Variants in TRERF1 observed in about 807,000 individuals in gnomAD.
TRERF1 encodes transcriptional regulating factor 1, also known as transcriptional-regulating factor 1.
A neutral mutation model predicts 122.9 loss-of-function variants in TRERF1; 27 were observed. The ratio of observed to expected loss-of-function variants is 0.22; its 90% confidence interval spans 0.16 to 0.30. The LOEUF (loss-of-function observed/expected upper bound fraction) is 0.30, where lower values mean the gene tolerates loss of function less well. TRERF1 is among the 10% of genes least tolerant of loss of function. TRERF1 has a pLI of 1.00. For synonymous variants in TRERF1, 636 were observed against 641.7 expected (o/e 0.99, Z 0.13); for missense variants, 1,248 against 1,560.3 (o/e 0.80, Z 3.37).
At position 42,349,351 on chromosome 6, in the gene TRERF1, G is replaced by A. The variant is rs183317117; in HGVS notation, c.-371+13646C>T. Among the ~76,000 whole-genome samples the A allele has an allele frequency of 8.6e-5, 13 of 151,970 alleles. No individual in the cohort carries two copies. In the East Asian group the frequency reaches 1.9e-3, roughly 23 times the overall value. On this transcript the variant is annotated intron_variant, in intron 3 of 17. Transcript: ENST00000372922. ...CCTGGGTAAAGCCTCACCTGAGGCC[G>A]GAATCTACCCCTAGATTGTTCAACC...
At chr6:42,291,883 T>G (rs537912404) in intron 4 of TRERF1, among the ~76,000 whole-genome samples, 101 of 152,214 alleles carry the variant, frequency 6.6e-4, no homozygotes, top group African/African-American at 2.4e-3. Context: ...AATATCTCAT[T>G]GGAGAGAAAC....
At chr6:42,296,506 TG>T (rs1468622155) in intron 4 of TRERF1, among the ~76,000 whole-genome samples, 3 of 152,174 alleles carry the variant, frequency 2.0e-5, no homozygotes, top group Non-Finnish European at 2.9e-5. Context: ...ATTAAGTCCT[TG>T]AATAGCTCTA....
intron 2 of TRERF1, among the ~76,000 whole-genome samples, chr6:42,376,021 C>G (rs1562091978): frequency 6.6e-6 from 1 of 152,062 alleles, no homozygotes; most frequent in Non-Finnish European, 1.5e-5. Flanking sequence ...AATGTGAAGG[C>G]GGTGTGGCTG....
In TRERF1 at chr6:42,263,554, C is replaced by T; in HGVS notation, c.1650G>A (p.Lys550=). ...GTGGCTGGGGCTGAGGCGGCAGGAC[C>T]TTCTCTCCTTCCTCCTACACAGACA... Residue 550 remains lysine, a synonymous_variant, in exon 8 of 18, where the codon AAG becomes AAA. Coordinates refer to ENST00000372922, the Ensembl canonical transcript of TRERF1. This position sits in a 1 kb window ranked among gnomAD's most constrained non-coding sequence, Gnocchi z 5.6. 6.5e-7 allele frequency: 1 copy of T among 1,538,978 alleles called. No homozygotes were observed. Among genetic ancestry groups the T allele is most frequent in the South Asian group, 1.3e-5 (1 of 78,338 alleles).
chr6:42,362,015 A>G (rs960412333), intron 3 of TRERF1, among the ~76,000 whole-genome samples: 2 of 152,142 alleles, frequency 1.3e-5, no homozygotes, highest in Non-Finnish European at 2.9e-5. Flanking sequence ...TCCCATCCCG[A>G]CAGCCAGTCC....
Position 42,275,342 on chromosome 6 carries a change from G to A in TRERF1, c.-258-5494C>T, listed in dbSNP as rs35091197. Among the ~76,000 whole-genome samples, 5,048 of 152,128 alleles carry A rather than the reference G, an allele frequency of 0.033. 87 individuals are homozygous for A. Among genetic ancestry groups the A allele is most frequent in the Non-Finnish European group, 0.037 (2,517 of 67,998 alleles). ...AGAACTGCTACCTTCCCATTTCTTC[G>A]GTCAATTTCTTCCTTAGAGCAGGAC... On this transcript the variant is annotated intron_variant, in intron 4 of 17. Transcript: ENST00000372922. The surrounding 1 kb of genome is among the most constrained non-coding windows in gnomAD (Gnocchi z 4.1).
At chr6:42,257,226 C>T in intron 10 of TRERF1, 124 bp from the exon 11 acceptor site, 2 of 1,204,662 alleles carry the variant, frequency 1.7e-6, no homozygotes. Flanking sequence ...AGGGGCATTT[C>T]CTCACAGTGT....
chr6:42,420,425 C>A (rs1782595978), intron 2 of TRERF1, among the ~76,000 whole-genome samples: 1 of 152,192 alleles, frequency 6.6e-6, no homozygotes, highest in East Asian at 1.9e-4. Context: ...AGAGCTTCCC[C>A]AGCCCACACA....
At chr6:42,451,747 C>G (rs1788589352) in intron 1 of TRERF1, among the ~76,000 whole-genome samples, 1 of 152,046 alleles carries the variant, frequency 6.6e-6, no homozygotes, top group Non-Finnish European at 1.5e-5. Flanking sequence ...GCCCCCTTTC[C>G]CAGCCCTGCT....
intron 4 of TRERF1, among the ~76,000 whole-genome samples, chr6:42,291,451 T>TAAA (rs35745800): frequency 1.6e-4 from 20 of 125,236 alleles, no homozygotes; most frequent in African/African-American, 5.7e-4. Flanking sequence ...CACTTTACAC[T>TAAA]AAAAAAAAAA....
intron 2 of TRERF1, among the ~76,000 whole-genome samples, chr6:42,424,160 A>G (rs549618672): frequency 8.1e-4 from 124 of 152,344 alleles, no homozygotes; most frequent in Admixed American, 2.2e-3. Flanking sequence ...GTGTTTTGCC[A>G]TTATGAAGAG....
chr6:42,422,210 C>T (rs1562180794), intron 2 of TRERF1, among the ~76,000 whole-genome samples: 2 of 151,496 alleles, frequency 1.3e-5, no homozygotes, highest in South Asian at 2.1e-4. Context: ...AAAACACTAA[C>T]TTATACTAAG....
chr6:42,337,040 T>G (rs1766333593), intron 3 of TRERF1, among the ~76,000 whole-genome samples: 1 of 151,154 alleles, frequency 6.6e-6, no homozygotes, highest in Non-Finnish European at 1.5e-5. Flanking sequence ...TGGAATGGGG[T>G]GGGAAGAAAG....
chr6:42,427,061 C>T (rs1482085630), intron 2 of TRERF1, among the ~76,000 whole-genome samples: 2 of 151,570 alleles, frequency 1.3e-5, no homozygotes, highest in African/African-American at 2.4e-5. Flanking sequence ...CCCAAAGTGC[C>T]TATAATCCTA....
intron 4 of TRERF1, among the ~76,000 whole-genome samples, chr6:42,295,394 C>T (rs1784931165): frequency 6.6e-6 from 1 of 152,202 alleles, no homozygotes; most frequent in South Asian, 2.1e-4. Flanking sequence ...TGGTCAAACA[C>T]ACTTGGGAAA....
chr6:42,314,494 T>G (rs1762168842), intron 3 of TRERF1, among the ~76,000 whole-genome samples: 1 of 152,242 alleles, frequency 6.6e-6, no homozygotes, highest in African/African-American at 2.4e-5. Flanking sequence ...GCCTCAATGC[T>G]AGGCATTGTT....
chr6:42,353,760 A>C (rs1769949921), intron 3 of TRERF1, among the ~76,000 whole-genome samples: 1 of 152,220 alleles, frequency 6.6e-6, no homozygotes, highest in African/African-American at 2.4e-5. Context: ...AAATGCTCAT[A>C]AGGTAAAAAA....
intron 2 of TRERF1, among the ~76,000 whole-genome samples, chr6:42,450,567 C>T (rs1207379094): frequency 2.0e-5 from 3 of 152,224 alleles, no homozygotes; most frequent in Non-Finnish European, 4.4e-5. Context: ...ATGGCAGGCG[C>T]ACATGCTCCA....
In TRERF1 at chr6:42,394,764, TA is replaced by T. The variant is rs549368532; in HGVS notation, c.-453-31686del. 4.4e-3 allele frequency among the ~76,000 whole-genome samples: 668 copies of T among 151,138 alleles called. 16 individuals are homozygous for T. Among genetic ancestry groups the T allele is most frequent in the Admixed American group, 0.036 (553 of 15,198 alleles). On this transcript the variant is annotated intron_variant, in intron 2 of 17. Coordinates refer to ENST00000372922, the Ensembl canonical transcript of TRERF1. ...ACCACCAGTCCTGATTTGAGAATAT[TA>T]AAAAAAAACAGATATTTAATCATTT...
Sources: gnomAD v4.1 joint callset for allele counts (sites outside exome capture counted in the v4.1 genomes callset) on GRCh38, gnomAD v4.1.1 for gene constraint, Gnocchi (gnomAD v3.1) non-coding constraint, MANE v1.5 for transcripts, NCBI Gene and HGNC (gene_info 2026-07-23, HGNC 2026-07-21) for gene names.